The following SLC39A9 variants were observed in gnomAD, a reference collection of about 807,000 sequenced individuals.
SLC39A9 encodes the protein zinc transporter ZIP9.
Under a neutral mutation model 28.4 loss-of-function variants are expected in SLC39A9, and 14 were observed. That is an observed-to-expected ratio of 0.49 (90% confidence interval 0.33 to 0.77). SLC39A9 has a LOEUF of 0.77. Among genes scored for constraint, SLC39A9 ranks in the 30% least tolerant of loss-of-function variants. The probability of loss-of-function intolerance (pLI) is 0.02; values close to 1 mark genes in which losing one functional copy is unlikely to be tolerated. For synonymous variants in SLC39A9, 119 were observed against 149.6 expected (o/e 0.80, Z 1.49); for missense variants, 283 against 381.1 (o/e 0.74, Z 2.14).
chr14:69,402,830 C>G (rs1342658065), intron 1 of SLC39A9, among the ~76,000 whole-genome samples: 8 of 152,158 alleles, frequency 5.3e-5, no homozygotes, highest in African/African-American at 1.7e-4. Flanking sequence ...GCCTGTAATC[C>G]CAGCACTTTG....
chr14:69,399,894 C>A (rs781476618), intron 1 of SLC39A9, among the ~76,000 whole-genome samples: 1 of 152,030 alleles, frequency 6.6e-6, no homozygotes, highest in African/African-American at 2.4e-5. Flanking sequence ...GTGGAAGGAT[C>A]GCTTGGGCCC....
At chr14:69,454,763 T>C (rs1885781743) in intron 4 of SLC39A9, 49 bp from the exon 5 acceptor site, 3 of 1,458,196 alleles carry the variant, frequency 2.1e-6, no homozygotes, top group East Asian at 2.3e-5. Flanking sequence ...TACACTGTTA[T>C]TGTTGTTGTT....
At chr14:69,456,280 G>C (rs1219002659) in intron 6 of SLC39A9, among the ~76,000 whole-genome samples, 1 of 152,210 alleles carries the variant, frequency 6.6e-6, no homozygotes, top group East Asian at 1.9e-4. Flanking sequence ...AGAGATTGCT[G>C]TCAAGAGTTT....
intron 1 of SLC39A9, among the ~76,000 whole-genome samples, chr14:69,403,989 A>C (rs180793405): frequency 2.0e-5 from 3 of 152,176 alleles, no homozygotes; most frequent in African/African-American, 7.2e-5. Flanking sequence ...GTTGCAGTGA[A>C]CCAACATTGC....
Position 69,461,501 on chromosome 14 carries a change from C to T in SLC39A9, c.*2908C>T. ...TAGAGGTTATGTGTTTTCTCTTTCT[C>T]CCCGCTTTCACCTCTTTCTTTCCCA... On this transcript the variant is annotated 3_prime_UTR_variant, in exon 7 of 7. Coordinates refer to ENST00000336643, the MANE Select transcript of SLC39A9 (RefSeq NM_018375.5). 1 of 1,429,910 alleles carries T rather than the reference C, an allele frequency of 7.0e-7. No homozygotes were observed. Among genetic ancestry groups the T allele is most frequent in the Non-Finnish European group, 9.1e-7 (1 of 1,095,498 alleles). 88.6% of individuals were successfully genotyped at this position (1,429,910 alleles called of 1,614,324 possible).
At position 69,459,883 on chromosome 14, in the gene SLC39A9, C is replaced by G. The variant is rs1195140027; in HGVS notation, c.*1290C>G. On this transcript the variant is annotated 3_prime_UTR_variant, in exon 7 of 7. Coordinates refer to ENST00000336643, the MANE Select transcript of SLC39A9 (RefSeq NM_018375.5). ...ACTGTAATAATGAAGATAATAATAT[C>G]TTTATTCTTTATCCCCCTTCAAAGA... 3.9e-5 allele frequency: 38 copies of G among 985,210 alleles called. No homozygotes were observed. Among genetic ancestry groups the G allele is most frequent in the Non-Finnish European group, 4.6e-5 (38 of 829,750 alleles). The allele number at this position is 985,210 out of a possible 1,614,324, so 61.0% of individuals were successfully genotyped here. A position where few individuals can be genotyped will look rare whatever the true frequency, so the allele number is the denominator to read the frequency against.
intron 1 of SLC39A9, among the ~76,000 whole-genome samples, chr14:69,422,664 A>G (rs67502261): frequency 0.45 from 68,695 of 151,872 alleles, 15,721 homozygotes; most frequent in Middle Eastern, 0.59. Flanking sequence ...TGCTTACTGC[A>G]ACCTTCACCT....
At chr14:69,421,052 G>A (rs909044761) in intron 1 of SLC39A9, among the ~76,000 whole-genome samples, 4 of 152,220 alleles carry the variant, frequency 2.6e-5, no homozygotes, top group Non-Finnish European at 5.9e-5. Flanking sequence ...AGGAGCTGCA[G>A]TCCTTTGGAG....
Position 69,447,244 on chromosome 14 carries a change from G to A in SLC39A9, c.403+4978G>A, listed in dbSNP as rs192804948. ...TTCTGCTTTTGATATGACCAAGTAA[G>A]CTCTCAGATCAGCCTCCTTACAGGT... is the stretch of plus-strand genomic sequence containing the variant. On this transcript the variant is annotated intron_variant, in intron 3 of 6. Transcript: ENST00000336643. Among the ~76,000 whole-genome samples, 1,137 of 152,266 alleles carry A rather than the reference G, an allele frequency of 7.5e-3. 14 individuals carry two copies. The highest frequency in any genetic ancestry group is 0.012 in the Non-Finnish European group (839 of 68,026).
intron 6 of SLC39A9, among the ~76,000 whole-genome samples, chr14:69,456,995 G>C (rs1385313886): frequency 6.6e-6 from 1 of 152,112 alleles, no homozygotes; most frequent in Non-Finnish European, 1.5e-5. Flanking sequence ...TCAGTAATCA[G>C]TGTCAGTTTT....
At position 69,455,953 on chromosome 14, in the gene SLC39A9, A is replaced by G. The variant is rs112529420; in HGVS notation, c.693+87A>G. ...CTCTTAGATTGAATTTTTCCAATAC[A>G]TTACTCTCTCAAACTAAAGATAAAA... On this transcript the variant is annotated intron_variant, in intron 6 of 6. Coordinates refer to ENST00000336643, the MANE Select transcript of SLC39A9 (RefSeq NM_018375.5). 588 of 1,475,726 alleles carry G rather than the reference A, an allele frequency of 4.0e-4. No individual in the cohort carries two copies. In the African/African-American group the frequency reaches 7.2e-3, roughly 18 times the overall value. The allele number at this position is 1,475,726 out of a possible 1,614,324, so 91.4% of individuals were successfully genotyped here.
chr14:69,437,270 A>G (rs934581997), intron 2 of SLC39A9, among the ~76,000 whole-genome samples: 3 of 152,226 alleles, frequency 2.0e-5, no homozygotes, highest in African/African-American at 7.2e-5. Context: ...AGGCAGGACC[A>G]GGAAAGAAAA....
At chr14:69,427,958 A>C in intron 2 of SLC39A9, among the ~76,000 whole-genome samples, 1 of 152,168 alleles carries the variant, frequency 6.6e-6, no homozygotes, top group East Asian at 1.9e-4. Flanking sequence ...GTTGGGTGTA[A>C]GAATGATAAA....
intron 1 of SLC39A9, among the ~76,000 whole-genome samples, chr14:69,406,315 T>C (rs1485863206): frequency 6.6e-6 from 1 of 152,220 alleles, no homozygotes; most frequent in Admixed American, 6.5e-5. Flanking sequence ...AAGTAGTTCC[T>C]ATTGTGAACT....
chr14:69,402,443 TAA>T (rs1882690723), intron 1 of SLC39A9, among the ~76,000 whole-genome samples: 2 of 152,162 alleles, frequency 1.3e-5, no homozygotes, highest in African/African-American at 4.8e-5. Flanking sequence ...AGAACAGGAA[TAA>T]AAGTCAGATG....
chr14:69,430,634 T>C (rs1255720905), intron 2 of SLC39A9, among the ~76,000 whole-genome samples: 1 of 150,672 alleles, frequency 6.6e-6, no homozygotes, highest in Non-Finnish European at 1.5e-5. Context: ...CTTTCTTTTT[T>C]TTTTTTTTTC....
chr14:69,456,223 G>A (rs1450731616), intron 6 of SLC39A9, among the ~76,000 whole-genome samples: 2 of 152,210 alleles, frequency 1.3e-5, no homozygotes, highest in Admixed American at 6.5e-5. Context: ...CACCTGAAGC[G>A]TGAGTAACAA....
intron 1 of SLC39A9, among the ~76,000 whole-genome samples, chr14:69,413,575 CTTATT>C (rs1419637917): frequency 1.3e-5 from 2 of 151,196 alleles, no homozygotes; most frequent in Non-Finnish European, 2.9e-5. Flanking sequence ...CTGTATTGTC[CTTATT>C]TTATTTTGTC....
intron 1 of SLC39A9, among the ~76,000 whole-genome samples, chr14:69,410,108 A>T (rs1881584455): frequency 6.6e-6 from 1 of 152,206 alleles, no homozygotes; most frequent in South Asian, 2.1e-4. Flanking sequence ...TACGGGATTT[A>T]TATTTATTTC....
Sources: gnomAD v4.1 joint callset for allele counts (sites outside exome capture counted in the v4.1 genomes callset) on GRCh38, gnomAD v4.1.1 for gene constraint, MANE v1.5 for transcripts, NCBI Gene and HGNC (gene_info 2026-07-23, HGNC 2026-07-21) for gene names.